The following ANO3 variants were observed in gnomAD, a reference collection of about 807,000 sequenced individuals.
The protein encoded by ANO3 is anoctamin 3, also known as anoctamin-3.
A neutral mutation model predicts 144.8 loss-of-function variants in ANO3; 99 were observed. The ratio of observed to expected loss-of-function variants is 0.68; its 90% CI spans 0.58 to 0.81. ANO3 has a LOEUF of 0.81. ANO3 is among the 30% of genes least tolerant of loss of function. The pLI, the probability that ANO3 is intolerant of heterozygous loss-of-function variation, is 0.00. For missense variants in ANO3, 905 were observed against 1,202.2 expected, an observed-to-expected ratio of 0.75 and a Z score of 3.66; for synonymous variants, 414 against 392.6, an observed-to-expected ratio of 1.05 and a Z score of -0.64.
At chr11:26,600,165 G>A (rs1400627129) in intron 17 of ANO3, among the ~76,000 whole-genome samples, 3 of 151,798 alleles carry the variant, frequency 2.0e-5, no homozygotes, top group Admixed American at 6.6e-5. Flanking sequence ...AAACAGTAAG[G>A]CAATTATTCC....
In ANO3 at chr11:26,563,290, A is replaced by C. The variant is rs370036148; in HGVS notation, c.1447+3511A>C. On this transcript the variant is annotated intron_variant, in intron 14 of 26. Coordinates refer to ENST00000256737, the MANE Select transcript of ANO3 (RefSeq NM_031418.4). ...TCTACAGGACAAAAAAAATTTAAAG[A>C]AATATAAAATAATTATTCAAAGAAC... is the stretch of plus-strand genomic sequence containing the variant. The C allele has an allele frequency of 1.7e-5, 27 of 1,563,912 alleles. No homozygotes were observed. The highest frequency in any genetic ancestry group is 2.2e-5 in the Non-Finnish European group (26 of 1,159,820).
At chr11:26,292,327 T>A (rs1055874860) in intron 1 of ANO3, among the ~76,000 whole-genome samples, 1 of 152,052 alleles carries the variant, frequency 6.6e-6, no homozygotes, top group Non-Finnish European at 1.5e-5. Flanking sequence ...TTTTTCAAGG[T>A]TTTTAGCTTC....
chr11:26,190,123 T>G (rs1303194107), intron 1 of ANO3, among the ~76,000 whole-genome samples: 2 of 152,172 alleles, frequency 1.3e-5, no homozygotes, highest in African/African-American at 4.8e-5. Context: ...AAATAAGGCG[T>G]TGTAATGGGA....
intron 1 of ANO3, among the ~76,000 whole-genome samples, chr11:26,248,856 C>T (rs1852860300): frequency 6.6e-6 from 1 of 152,180 alleles, no homozygotes; most frequent in South Asian, 2.1e-4. Context: ...TGCCTGACCA[C>T]CTGAGCTCTG....
chr11:26,483,044 AT>A (rs148807054), intron 4 of ANO3, among the ~76,000 whole-genome samples: 3 of 151,224 alleles, frequency 2.0e-5, no homozygotes, highest in East Asian at 1.9e-4. Context: ...TAGTGCAGGT[AT>A]TTTTTTTTCA....
At chr11:26,210,200 A>G (rs983869555) in intron 1 of ANO3, among the ~76,000 whole-genome samples, 3 of 152,180 alleles carry the variant, frequency 2.0e-5, no homozygotes, top group African/African-American at 7.2e-5. Flanking sequence ...ATTTCTCTGC[A>G]TATGGCTAGC....
chr11:26,411,772 T>G (rs1409319935), intron 1 of ANO3, among the ~76,000 whole-genome samples: 1 of 151,966 alleles, frequency 6.6e-6, no homozygotes, highest in African/African-American at 2.4e-5. Context: ...TTTGTAACTT[T>G]ATGTATTCTG....
At chr11:26,537,329 C>G (rs954163593) in intron 9 of ANO3, 77 bp from the exon 10 acceptor site, 1 of 1,134,438 alleles carries the variant, frequency 8.8e-7, no homozygotes, top group African/African-American at 1.5e-5. Context: ...TTCATTGTTC[C>G]CCGTATATTT....
chr11:26,227,403 C>T lies in ANO3; in HGVS notation c.154+38073C>T, dbSNP rs73439635. On this transcript the variant is annotated intron_variant, in intron 1 of 27. Transcript: ENST00000672621. The stretch of plus-strand genomic sequence containing the variant: ...CTGCTTTATAATGTGAAAGTAACGG[C>T]TTGATTGTCTATGTAATACCACCAT... Among the ~76,000 whole-genome samples the T allele has an allele frequency of 8.8e-3, 1,334 of 152,232 alleles. 29 individuals carry two copies. Among genetic ancestry groups the T allele is most frequent in the African/African-American group, 0.031 (1,294 of 41,546 alleles).
chr11:26,466,180 G>C (rs909519000), intron 4 of ANO3, among the ~76,000 whole-genome samples: 3 of 151,924 alleles, frequency 2.0e-5, no homozygotes, highest in Non-Finnish European at 4.4e-5. Flanking sequence ...TACTAACTGG[G>C]ATGCAGTTTA....
intron 3 of ANO3, among the ~76,000 whole-genome samples, chr11:26,447,029 G>T (rs1858725447): frequency 6.6e-6 from 1 of 152,070 alleles, no homozygotes; most frequent in South Asian, 2.1e-4. Flanking sequence ...TAGCAAAGTG[G>T]TGAGACCCTG....
At chr11:26,239,215 A>T (rs958587899) in intron 1 of ANO3, among the ~76,000 whole-genome samples, 18 of 152,096 alleles carry the variant, frequency 1.2e-4, no homozygotes, top group Non-Finnish European at 1.6e-4. Context: ...TAGGCAGAAA[A>T]ATAATACTCC....
chr11:26,613,515 A>G (rs1308745456), intron 17 of ANO3, among the ~76,000 whole-genome samples: 1 of 152,142 alleles, frequency 6.6e-6, no homozygotes, highest in Non-Finnish European at 1.5e-5. Context: ...GTCTGTTACT[A>G]GAGACTTATT....
chr11:26,512,722 C>T (rs1861713468), intron 5 of ANO3, among the ~76,000 whole-genome samples: 1 of 152,130 alleles, frequency 6.6e-6, no homozygotes, highest in Admixed American at 6.6e-5. Flanking sequence ...AAAGCATCCC[C>T]TTACTTGAGT....
rs4344447 is a variant in ANO3, at chr11:26,642,324, C to T, written c.2275+295C>T. Among the ~76,000 whole-genome samples the T allele has an allele frequency of 0.66, 95,392 of 144,826 alleles. 32,105 individuals are homozygous for T. Among genetic ancestry groups the T allele is most frequent in the Non-Finnish European group, 0.75 (49,879 of 66,622 alleles). On this transcript the variant is annotated intron_variant, in intron 22 of 26. Transcript: ENST00000256737. ...AATAATGCTGAACCAGTTTCTTTTCCTTTTTCTTTCTTTCTTTCTTTTTTT... is the reference window on the plus strand; with the variant it reads ...AATAATGCTGAACCAGTTTCTTTTCTTTTTTCTTTCTTTCTTTCTTTTTTT...
intron 17 of ANO3, among the ~76,000 whole-genome samples, chr11:26,622,759 T>C (rs1475685176): frequency 6.6e-6 from 1 of 152,248 alleles, no homozygotes; most frequent in Non-Finnish European, 1.5e-5. Flanking sequence ...ACTTAGTTTC[T>C]TCTTCTGTAA....
intron 1 of ANO3, among the ~76,000 whole-genome samples, chr11:26,264,214 C>T (rs532295568): frequency 6.6e-6 from 1 of 152,310 alleles, no homozygotes; most frequent in Admixed American, 6.5e-5. Flanking sequence ...TAAACTACAA[C>T]ATGTAGCTTC....
intron 1 of ANO3, among the ~76,000 whole-genome samples, chr11:26,300,931 G>T (rs1354483939): frequency 2.4e-5 from 3 of 126,064 alleles, no homozygotes; most frequent in Non-Finnish European, 4.7e-5. Flanking sequence ...TCCACTCACT[G>T]CCACCTCTGC....
chr11:26,573,528 C>A (rs1465606136), intron 14 of ANO3, among the ~76,000 whole-genome samples: 2 of 152,126 alleles, frequency 1.3e-5, no homozygotes, highest in East Asian at 3.9e-4. Context: ...TTGGGCAGGA[C>A]TGGGTGCACC....
Sources: allele counts gnomAD v4.1 joint callset (sites outside exome capture counted in the v4.1 genomes callset), GRCh38; gene constraint gnomAD v4.1.1; transcripts MANE v1.5; gene names NCBI Gene and HGNC (gene_info 2026-07-23, HGNC 2026-07-21).